The following KASH5 variants were observed in gnomAD, a reference collection of about 807,000 sequenced individuals.
KASH5 encodes the protein protein KASH5.
Under a neutral mutation model 84.2 loss-of-function variants are expected in KASH5, and 72 were observed. The ratio of observed to expected loss-of-function variants is 0.85; its 90% CI spans 0.71 to 1.04. The LOEUF (loss-of-function observed/expected upper bound fraction) is 1.04, where lower values mean the gene tolerates loss of function less well. KASH5 is among the 50% of genes least tolerant of loss of function. KASH5 has a pLI of 0.00. For missense variants in KASH5, 650 were observed against 701.0 expected (o/e 0.93, Z 0.82); for synonymous variants, 260 against 279.1 (o/e 0.93, Z 0.68).
intron 17 of KASH5, chr19:49,415,289 C>A: frequency 2.0e-6 from 1 of 502,596 alleles, no homozygotes; most frequent in Non-Finnish European, 3.6e-6. Flanking sequence ...TGGCTACACC[C>A]CCGGATTGCA....
At chr19:49,406,083 G>A (rs1001066554) in intron 9 of KASH5, among the ~76,000 whole-genome samples, 2 of 143,270 alleles carry the variant, frequency 1.4e-5, no homozygotes, top group Admixed American at 7.1e-5. Flanking sequence ...AACCAAGATC[G>A]CACCATTGCA....
At chr19:49,394,906 G>T (rs74879294) in intron 3 of KASH5, 200 bp from the exon 4 acceptor site, 2 of 591,154 alleles carry the variant, frequency 3.4e-6, no homozygotes, top group Non-Finnish European at 3.0e-6. Flanking sequence ...ACCCTGTGAT[G>T]GGGGGATGAC....
rs1017286539 is a variant in KASH5, at chr19:49,394,549, C to T, written c.117C>T (p.Ser39=). 4 of 1,613,628 alleles carry T rather than the reference C, an allele frequency of 2.5e-6. No individual in the cohort carries two copies. The highest frequency in any genetic ancestry group is 1.3e-5 in the African/African-American group (1 of 74,908). ...GCTTGGAGGAGCAAATACTCAACTCCACGTTCGAAGCTTGTGACCCTCAGA... is the reference window on the plus strand; with the variant it reads ...GCTTGGAGGAGCAAATACTCAACTCTACGTTCGAAGCTTGTGACCCTCAGA... ...PVSLEEQILN[S]TFEACDPQRT... Residue 39 remains serine (S), a synonymous_variant, in exon 3 of 20, where the codon TCC becomes TCT. Transcript: ENST00000447857.
In KASH5 at chr19:49,394,599, G is replaced by A; in HGVS notation, c.148+19G>A. ...AGGACAGGTGGTGGGGGCATGAGGG[G>A]TGCTGGGGACCAGTGCGGGCAGGAT... On this transcript the variant is annotated intron_variant, in intron 3 of 19. Coordinates refer to ENST00000447857, the MANE Select transcript of KASH5 (RefSeq NM_144688.5). 1 of 1,593,636 alleles carries A rather than the reference G, an allele frequency of 6.3e-7. No homozygotes were observed. The highest frequency in any genetic ancestry group is 8.6e-7 in the Non-Finnish European group (1 of 1,161,902).
chr19:49,406,378 TTTG>T (rs1181549702), intron 9 of KASH5, among the ~76,000 whole-genome samples: 1 of 152,106 alleles, frequency 6.6e-6, no homozygotes, highest in Non-Finnish European at 1.5e-5. Context: ...GCTCCGTTTT[TTTG>T]TTGTTGTTTT....
chr19:49,411,974 A>AGG (rs1379609805), intron 15 of KASH5, among the ~76,000 whole-genome samples: 7 of 137,816 alleles, frequency 5.1e-5, no homozygotes, highest in Non-Finnish European at 1.1e-4. Context: ...GAAGGAAGGA[A>AGG]AGAAGGAAGC....
chr19:49,395,797 T>G lies in KASH5; in HGVS notation c.364T>G (p.Phe122Val). ...GGLELEEETA[F>V]QGALTSRQLP... The stretch of plus-strand genomic sequence containing the variant: ...ATTAGAGCTGGAAGAGGAGACCGCC[T>G]TCCAGGGAGCCCTGACCTCCCGGCA... The change falls in exon 5 of 20, where the codon TTC (phenylalanine) becomes GTC (valine). Residue 122 changes from phenylalanine to valine, a missense_variant. Physicochemically the swap from Phe to Val is conservative, Grantham distance 50 (BLOSUM62 -1). Transcript: ENST00000447857. The surrounding 1 kb of genome is among the most constrained non-coding windows in gnomAD (Gnocchi z 4.4). 6.4e-7 allele frequency: 1 copy of G among 1,565,278 alleles called. No individual in the cohort carries two copies. The highest frequency in any genetic ancestry group is 1.2e-5 in the South Asian group (1 of 84,706).
chr19:49,394,627 G>C, intron 3 of KASH5, 47 bp downstream of exon 3: 1 of 1,447,286 alleles, frequency 6.9e-7, no homozygotes, highest in Non-Finnish European at 9.7e-7. Flanking sequence ...GGCAGGATGG[G>C]GTGGAGGCTG....
chr19:49,398,945 G>A, intron 7 of KASH5, 80 bp from the exon 8 acceptor site: 6 of 1,079,616 alleles, frequency 5.6e-6, no homozygotes, highest in Non-Finnish European at 1.4e-6. Flanking sequence ...TGTTGCTAGT[G>A]TCTCTCAGAA....
At chr19:49,392,727 C>T (rs1003128248) in intron 2 of KASH5, among the ~76,000 whole-genome samples, 1 of 152,168 alleles carries the variant, frequency 6.6e-6, no homozygotes, top group Admixed American at 6.5e-5. Context: ...GCCTTGCCAA[C>T]AGGGTGAAAC....
intron 9 of KASH5, among the ~76,000 whole-genome samples, chr19:49,402,855 A>G (rs2122160038): frequency 6.6e-6 from 1 of 151,990 alleles, no homozygotes; most frequent in Middle Eastern, 3.4e-3. Context: ...GAAGAGAACA[A>G]AGAAATGATG....
Position 49,398,372 on chromosome 19 carries a change from C to CTT in KASH5, c.629+242_629+243dup, listed in dbSNP as rs764459352. Among the ~76,000 whole-genome samples the CTT allele has an allele frequency of 1.7e-3, 249 of 143,046 alleles. 1 individual carries two copies. The highest frequency in any genetic ancestry group is 5.8e-3 in the African/African-American group (223 of 38,632). The allele number at this position is 143,046 out of a possible 152,430, so 93.8% of individuals were successfully genotyped here. A position where few individuals can be genotyped will look rare whatever the true frequency, so the allele number is the denominator to read the frequency against. On this transcript the variant is annotated intron_variant, in intron 7 of 19. Coordinates refer to ENST00000447857, the MANE Select transcript of KASH5 (RefSeq NM_144688.5). Reference sequence around the variant, plus strand: ...TGAGGGTTCAGACTTCTCTCTCTCTCTTTTTTTTTTTTTTGAGACAGGTTC... The same window carrying CTT: ...TGAGGGTTCAGACTTCTCTCTCTCTCTTTTTTTTTTTTTTTTGAGACAGGTTC...
chr19:49,410,425 C>G (rs984274873), intron 15 of KASH5, among the ~76,000 whole-genome samples: 3 of 151,360 alleles, frequency 2.0e-5, no homozygotes, highest in African/African-American at 7.3e-5. Context: ...CCTGGATAAG[C>G]AATCCTCCCA....
intron 2 of KASH5, among the ~76,000 whole-genome samples, chr19:49,393,930 G>A (rs1405761116): frequency 1.3e-5 from 2 of 152,110 alleles, no homozygotes; most frequent in African/African-American, 2.4e-5. Context: ...ATCCCTTCAT[G>A]TCTCAGCCCC....
At chr19:49,397,175 A>G (rs1008019815) in intron 5 of KASH5, among the ~76,000 whole-genome samples, 3 of 152,106 alleles carry the variant, frequency 2.0e-5, no homozygotes, top group Non-Finnish European at 4.4e-5. Context: ...GAGGGCTGCA[A>G]GCAGAGGAGG....
chr19:49,400,371 T>TC (rs1276908297), intron 9 of KASH5, among the ~76,000 whole-genome samples: 114 of 146,438 alleles, frequency 7.8e-4, no homozygotes, highest in African/African-American at 2.6e-3. Flanking sequence ...TTTTTTTCTT[T>TC]TTTTTTTTTT....
chr19:49,399,706 C>G lies in KASH5; in HGVS notation c.798+199C>G. On this transcript the variant is annotated intron_variant, in intron 9 of 19. Transcript: ENST00000447857. The surrounding 1 kb of genome is among the most constrained non-coding windows in gnomAD (Gnocchi z 4.4). Reference sequence around the variant, plus strand: ...CAAGAGTGTGAGGCATGGGGTCAGCCTACATGGCTTCAGGCTGAGGCCACC... The same window carrying G: ...CAAGAGTGTGAGGCATGGGGTCAGCGTACATGGCTTCAGGCTGAGGCCACC... 7.0e-7 allele frequency: 1 copy of G among 1,436,670 alleles called. No individual in the cohort carries two copies. Among genetic ancestry groups the G allele is most frequent in the Non-Finnish European group, 9.2e-7 (1 of 1,091,586 alleles). 89.0% of individuals were successfully genotyped at this position (1,436,670 alleles called of 1,614,324 possible). A position where few individuals can be genotyped will look rare whatever the true frequency, so the allele number is the denominator to read the frequency against.
At chr19:49,402,709 A>G (rs551668021) in intron 9 of KASH5, among the ~76,000 whole-genome samples, 442 of 152,294 alleles carry the variant, frequency 2.9e-3, no homozygotes, top group Non-Finnish European at 4.0e-3. Context: ...TCTGTCTCAA[A>G]AAAAATTTTT....
rs1568623979 is a variant in KASH5 at position 49,413,018 on chromosome 19, A to G, written c.1320A>G (p.Pro440=). Reference sequence around the variant, plus strand: ...ACCCTGAAGAAGGAAGGAAGGAGCCATCCATGTGGTAAGGAGCTGAGCCAT... The same window carrying G: ...ACCCTGAAGAAGGAAGGAAGGAGCCGTCCATGTGGTAAGGAGCTGAGCCAT... ...PAHPEEGRKE[P]SMWLTRREEE... Residue 440 remains proline (P), a synonymous_variant, in exon 16 of 20, where the codon CCA becomes CCG. Coordinates refer to ENST00000447857, the MANE Select transcript of KASH5 (RefSeq NM_144688.5). 2.5e-6 allele frequency: 4 copies of G among 1,612,936 alleles called. No homozygotes were observed. The highest frequency in any genetic ancestry group is 3.4e-6 in the Non-Finnish European group (4 of 1,179,834).
Sources: gnomAD v4.1 joint callset for allele counts (sites outside exome capture counted in the v4.1 genomes callset) on GRCh38, gnomAD v4.1.1 for gene constraint, Gnocchi (gnomAD v3.1) non-coding constraint, MANE v1.5 for transcripts, NCBI Gene and HGNC (gene_info 2026-07-23, HGNC 2026-07-21) for gene names.